EBPL: variants seen among roughly 807,000 people sequenced by gnomAD.
EBPL encodes the protein EBP like, also known as emopamil-binding protein-like.
Under a neutral mutation model 19.0 loss-of-function variants are expected in EBPL, and 20 were observed. That is an observed-to-expected ratio of 1.05 (90% CI 0.74 to 1.53). The LOEUF (loss-of-function observed/expected upper bound fraction) is 1.53, where lower values mean the gene tolerates loss of function less well. EBPL is among the 40% of genes most tolerant of loss of function. The pLI, the probability that EBPL is intolerant of heterozygous loss-of-function variation, is 0.00. For missense variants in EBPL, 219 were observed against 261.1 expected (o/e 0.84, Z 1.11); for synonymous variants, 107 against 117.0 (o/e 0.91, Z 0.55).
At chr13:49,678,433 T>G (rs915663518) in intron 1 of EBPL, among the ~76,000 whole-genome samples, 9 of 152,186 alleles carry the variant, frequency 5.9e-5, no homozygotes, top group Non-Finnish European at 1.3e-4. Flanking sequence ...CATGGCGGGC[T>G]GCAAGTTCCG....
At chr13:49,670,318 G>A (rs985650501) in intron 1 of EBPL, among the ~76,000 whole-genome samples, 6 of 152,018 alleles carry the variant, frequency 3.9e-5, no homozygotes, top group African/African-American at 1.5e-4. Flanking sequence ...TCCTATATAA[G>A]GGCAAGTTTA....
intron 1 of EBPL, among the ~76,000 whole-genome samples, chr13:49,675,283 T>C (rs576112240): frequency 6.6e-6 from 1 of 152,352 alleles, no homozygotes; most frequent in South Asian, 2.1e-4. Context: ...ATGGTATTTG[T>C]GCACCTAAAC....
intron 2 of EBPL, 23 bp downstream of exon 2, chr13:49,669,754 C>A (rs201223590): frequency 6.2e-7 from 1 of 1,610,104 alleles, no homozygotes; most frequent in South Asian, 1.1e-5. Flanking sequence ...ACATTTCAAA[C>A]GCAAACGTTT....
At chr13:49,661,953 A>G in intron 3 of EBPL, 1 of 1,533,554 alleles carries the variant, frequency 6.5e-7, no homozygotes, top group Non-Finnish European at 8.8e-7. Context: ...GAAGGAAGGG[A>G]GGAGAGTTTA....
chr13:49,661,448 A>G lies in EBPL; in HGVS notation c.381-240T>C, dbSNP rs991148780. ...TTCTAGATTATTCTCAGAGTTAAGT[A>G]AGGACCCTCAGGGATCCTGACCCAT... On this transcript the variant is annotated intron_variant, in intron 3 of 3. Transcript: ENST00000242827. Among the ~76,000 whole-genome samples the G allele has an allele frequency of 4.6e-5, 7 of 152,312 alleles. No homozygotes were observed. In the East Asian group the frequency reaches 7.7e-4, roughly 17 times the overall value.
intron 2 of EBPL, among the ~76,000 whole-genome samples, chr13:49,667,868 G>C (rs1953755773): frequency 6.6e-6 from 1 of 152,212 alleles, no homozygotes. Context: ...TCATGGGATT[G>C]AGCCAAATCT....
At chr13:49,661,992 T>A in intron 3 of EBPL, 1 of 1,404,408 alleles carries the variant, frequency 7.1e-7, no homozygotes. Context: ...GGATGGATAA[T>A]TTTTTCATCC....
intron 2 of EBPL, among the ~76,000 whole-genome samples, chr13:49,665,026 G>C (rs922674597): frequency 2.0e-5 from 3 of 151,876 alleles, no homozygotes; most frequent in African/African-American, 7.3e-5. Flanking sequence ...TAGGTGAAAT[G>C]TACCAGTTAG....
chr13:49,667,763 G>T (rs778989885), intron 2 of EBPL, among the ~76,000 whole-genome samples: 10 of 152,228 alleles, frequency 6.6e-5, no homozygotes, highest in Non-Finnish European at 1.2e-4. Flanking sequence ...GGGGCTCCAG[G>T]CTCGTGCCAC....
At chr13:49,664,120 C>T (rs977284382) in intron 2 of EBPL, among the ~76,000 whole-genome samples, 3 of 151,884 alleles carry the variant, frequency 2.0e-5, no homozygotes, top group Non-Finnish European at 4.4e-5. Flanking sequence ...GGCGTGGTGG[C>T]GCATGCCTGT....
chr13:49,675,878 G>T (rs55959138), intron 1 of EBPL, among the ~76,000 whole-genome samples: 2,310 of 146,020 alleles, frequency 0.016, 87 homozygotes, highest in Admixed American at 0.092. Context: ...TGTTGTTATT[G>T]TTTTTTTTTT....
At chr13:49,677,355 A>G (rs1054399646) in intron 1 of EBPL, among the ~76,000 whole-genome samples, 36 of 152,216 alleles carry the variant, frequency 2.4e-4, no homozygotes, top group African/African-American at 7.7e-4. Flanking sequence ...CAAAGTCAGA[A>G]AAAGCACATG....
At chr13:49,676,828 C>G (rs180873057) in intron 1 of EBPL, among the ~76,000 whole-genome samples, 1 of 152,154 alleles carries the variant, frequency 6.6e-6, no homozygotes, top group Admixed American at 6.5e-5. Flanking sequence ...ATAGATAATC[C>G]CAGGCTGATT....
chr13:49,678,382 G>C (rs76560181), intron 1 of EBPL, among the ~76,000 whole-genome samples: 10,634 of 152,276 alleles, frequency 0.07, 1,216 homozygotes, highest in East Asian at 0.58. Flanking sequence ...TGCGGAGCAG[G>C]GGGCAGTGCC....
Position 49,668,712 on chromosome 13 carries a change from A to G in EBPL, c.241+1065T>C, listed in dbSNP as rs141152407. On this transcript the variant is annotated intron_variant, in intron 2 of 3. Transcript: ENST00000242827. The stretch of plus-strand genomic sequence containing the variant: ...TTGGTATTGACACAGTACATGGTAG[A>G]ATATCAATGCTAATTGAATATTGAC... 2,437 of 272,598 alleles carry G rather than the reference A, an allele frequency of 8.9e-3. 23 individuals carry two copies. The highest frequency in any genetic ancestry group is 0.012 in the Non-Finnish European group (1,642 of 137,292). The allele number at this position is 272,598 out of a possible 1,614,324, so 16.9% of individuals were successfully genotyped here. A position where few individuals can be genotyped will look rare whatever the true frequency, so the allele number is the denominator to read the frequency against.
Position 49,669,772 on chromosome 13 carries a change from C to G in EBPL, c.241+5G>C. 6.2e-7 allele frequency: 1 copy of G among 1,613,636 alleles called. No homozygotes were observed. The highest frequency in any genetic ancestry group is 8.5e-7 in the Non-Finnish European group (1 of 1,179,656). On this transcript the variant is annotated splice_donor_5th_base_variant and intron_variant, in intron 2 of 3. Transcript: ENST00000242827. ...TTTCAAACGCAAACGTTTTTAATTA[C>G]TTACATAAAGAAGCAATCAAGCCAT...
intron 1 of EBPL, among the ~76,000 whole-genome samples, chr13:49,682,761 C>A (rs950035525): frequency 2.0e-5 from 3 of 152,122 alleles, no homozygotes; most frequent in Non-Finnish European, 4.4e-5. Flanking sequence ...CCTTCTTTTC[C>A]TCCTCATTAC....
chr13:49,661,804 GAAGCTTTAAAT>G, intron 3 of EBPL: 1 of 1,532,306 alleles, frequency 6.5e-7, no homozygotes, highest in South Asian at 1.2e-5. Context: ...GGTGGGGAAG[GAAGCTTTAAAT>G]AAGACTTCTT....
chr13:49,669,915 T>C (rs563723703), intron 1 of EBPL, 69 bp from the exon 2 acceptor site: 227 of 1,181,168 alleles, frequency 1.9e-4, no homozygotes, highest in Non-Finnish European at 2.6e-4. Flanking sequence ...TGTAGACACA[T>C]GGCATTGCCT....
Sources: gnomAD v4.1 joint callset for allele counts (sites outside exome capture counted in the v4.1 genomes callset) on GRCh38, gnomAD v4.1.1 for gene constraint, MANE v1.5 for transcripts, NCBI Gene and HGNC (gene_info 2026-07-23, HGNC 2026-07-21) for gene names.